ATP2B2: variants seen among roughly 807,000 people sequenced by gnomAD.
ATP2B2 encodes ATPase plasma membrane Ca2+ transporting 2.
In ATP2B2, 15 loss-of-function variants were observed where a neutral mutation model predicts 120.0. That is an observed-to-expected ratio of 0.12 (90% CI 0.08 to 0.19). ATP2B2 has a LOEUF of 0.19. Ranked by LOEUF, ATP2B2 falls within the 10% of genes least tolerant of loss-of-function variation. ATP2B2 has a pLI of 1.00. For synonymous variants in ATP2B2, 694 were observed against 700.3 expected, an observed-to-expected ratio of 0.99 and a Z score of 0.14; for missense variants, 1,045 against 1,719.8, an observed-to-expected ratio of 0.61 and a Z score of 6.94.
chr3:10,569,155 G>C (rs574743983), intron 2 of ATP2B2, among the ~76,000 whole-genome samples: 1 of 152,136 alleles, frequency 6.6e-6, no homozygotes, highest in Non-Finnish European at 1.5e-5. Context: ...AAGTCCTTAT[G>C]TGGCCCCAAA....
intron 1 of ATP2B2, among the ~76,000 whole-genome samples, chr3:10,706,254 C>T (rs2071894479): frequency 1.3e-5 from 2 of 152,118 alleles, no homozygotes; most frequent in South Asian, 4.1e-4. Flanking sequence ...CAATAGTACC[C>T]CTGGGGGAAG....
Position 10,604,215 on chromosome 3 carries a change from C to G in ATP2B2, c.-415+15702G>C, listed in dbSNP as rs188242371. ...ACCCTTCTAGGATCTCTCCTCCCCT[C>G]TCACCCCGTAGCCATGGCCCAGGTC... On this transcript the variant is annotated intron_variant, in intron 2 of 21. Coordinates refer to the ATP2B2 transcript ENST00000646379. Among the ~76,000 whole-genome samples, 28 of 152,280 alleles carry G rather than the reference C, an allele frequency of 1.8e-4. No homozygotes were observed. The East Asian group carries it at 5.2e-3, about 28-fold the overall frequency.
chr3:10,662,410 C>A (rs1210183917), intron 1 of ATP2B2, among the ~76,000 whole-genome samples: 2 of 143,906 alleles, frequency 1.4e-5, no homozygotes, highest in African/African-American at 2.9e-5. Flanking sequence ...AAACAAACAA[C>A]CCCATCAAAA....
At chr3:10,662,032 A>C (rs2070795675) in intron 1 of ATP2B2, among the ~76,000 whole-genome samples, 1 of 152,228 alleles carries the variant, frequency 6.6e-6, no homozygotes, top group Non-Finnish European at 1.5e-5. Flanking sequence ...GGTGCCGGGA[A>C]AACTGGCTAG....
chr3:10,507,497 G>A (rs1027443481), upstream of ATP2B2, among the ~76,000 whole-genome samples: 1 of 152,134 alleles, frequency 6.6e-6, no homozygotes, highest in Non-Finnish European at 1.5e-5. Flanking sequence ...AAGCTGTTCC[G>A]AGATGTTGGA....
At chr3:10,590,076 C>T (rs1482604878) in intron 2 of ATP2B2, among the ~76,000 whole-genome samples, 1 of 152,182 alleles carries the variant, frequency 6.6e-6, no homozygotes, top group African/African-American at 2.4e-5. Context: ...TGCATCCCTC[C>T]CATGGACGCT....
At chr3:10,453,005 T>C (rs879356022) in intron 1 of ATP2B2, among the ~76,000 whole-genome samples, 12 of 152,234 alleles carry the variant, frequency 7.9e-5, no homozygotes, top group Admixed American at 7.8e-4. Flanking sequence ...TCAGCATCTA[T>C]AATTTGGGGC....
chr3:10,442,231 C>T (rs2063692604), intron 2 of ATP2B2, among the ~76,000 whole-genome samples: 1 of 152,118 alleles, frequency 6.6e-6, no homozygotes, highest in African/African-American at 2.4e-5. Context: ...AAATGCTGCC[C>T]TTACAACCCA....
chr3:10,565,493 G>T (rs1221806375), intron 2 of ATP2B2, among the ~76,000 whole-genome samples: 3 of 152,046 alleles, frequency 2.0e-5, no homozygotes, highest in Non-Finnish European at 4.4e-5. Context: ...AGTCCTCATT[G>T]TCTGTTGCCT....
At chr3:10,668,541 T>C (rs147864780) in intron 1 of ATP2B2, among the ~76,000 whole-genome samples, 2,518 of 152,266 alleles carry the variant, frequency 0.017, 27 homozygotes, top group Middle Eastern at 0.031. Context: ...GCAGTAGCTG[T>C]TCCCATCCCA....
At chr3:10,586,091 A>G (rs931010945) in intron 2 of ATP2B2, among the ~76,000 whole-genome samples, 1 of 152,180 alleles carries the variant, frequency 6.6e-6, no homozygotes, top group Admixed American at 6.5e-5. Flanking sequence ...TTTATTAGTC[A>G]AAGATATTTT....
chr3:10,579,227 C>T (rs573819716), intron 2 of ATP2B2, among the ~76,000 whole-genome samples: 2 of 152,316 alleles, frequency 1.3e-5, no homozygotes, highest in South Asian at 4.1e-4. Flanking sequence ...AGGGGAGGCA[C>T]CTCTCATTCT....
intron 1 of ATP2B2, among the ~76,000 whole-genome samples, chr3:10,482,121 G>A: frequency 6.6e-6 from 1 of 152,184 alleles, no homozygotes; most frequent in East Asian, 1.9e-4. Flanking sequence ...GCTCAGTGTT[G>A]GTGCGCGGTA....
At chr3:10,701,889 AAAAAG>A (rs886392109) in intron 1 of ATP2B2, among the ~76,000 whole-genome samples, 4 of 151,714 alleles carry the variant, frequency 2.6e-5, no homozygotes, top group Non-Finnish European at 4.4e-5. Flanking sequence ...TTTTTTTTTG[AAAAAG>A]AAAAGAGCCA....
chr3:10,672,120 C>T (rs2071115212), intron 1 of ATP2B2, among the ~76,000 whole-genome samples: 1 of 152,168 alleles, frequency 6.6e-6, no homozygotes, highest in African/African-American at 2.4e-5. Flanking sequence ...AAACTCTTGG[C>T]GATCATTGGA....
upstream of ATP2B2, among the ~76,000 whole-genome samples, chr3:10,507,992 G>A (rs2066680798): frequency 7.0e-6 from 1 of 143,368 alleles, no homozygotes; most frequent in Admixed American, 7.0e-5. Context: ...CCCAAGTCTT[G>A]AGTCTTACCT....
intron 2 of ATP2B2, among the ~76,000 whole-genome samples, chr3:10,564,556 T>C (rs1353122942): frequency 1.2e-4 from 18 of 152,140 alleles, no homozygotes; most frequent in Admixed American, 1.2e-3. Flanking sequence ...CCCTCTCCCC[T>C]ACAGATTCTA....
intron 2 of ATP2B2, among the ~76,000 whole-genome samples, chr3:10,421,859 G>A (rs2062992331): frequency 6.6e-6 from 1 of 152,182 alleles, no homozygotes; most frequent in African/African-American, 2.4e-5. Flanking sequence ...GACTTATTTA[G>A]TTAGTCTTGA....
At chr3:10,514,122 A>G (rs987825381) in intron 3 of ATP2B2, among the ~76,000 whole-genome samples, 3 of 152,178 alleles carry the variant, frequency 2.0e-5, no homozygotes, top group Admixed American at 1.3e-4. Context: ...AGGCACAGAG[A>G]TGTCAGGCAA....
Sources: gnomAD v4.1 joint callset for allele counts (sites outside exome capture counted in the v4.1 genomes callset) on GRCh38, gnomAD v4.1.1 for gene constraint, MANE v1.5 for transcripts, NCBI Gene and HGNC (gene_info 2026-07-23, HGNC 2026-07-21) for gene names.